ADAM17: variants seen among roughly 807,000 people sequenced by gnomAD.
The protein encoded by ADAM17 is ADAM metallopeptidase domain 17.
Under a neutral mutation model 96.7 loss-of-function variants are expected in ADAM17, and 39 were observed. The ratio of observed to expected loss-of-function variants is 0.40; its 90% CI spans 0.31 to 0.53. ADAM17 has a LOEUF of 0.53. ADAM17 is among the 20% of genes least tolerant of loss of function. The pLI is 0.44. For missense variants in ADAM17, 777 were observed against 1,013.2 expected, an observed-to-expected ratio of 0.77 and a Z score of 3.17; for synonymous variants, 344 against 359.2, an observed-to-expected ratio of 0.96 and a Z score of 0.48.
At chr2:9,531,077 C>A (rs1311230811) in intron 4 of ADAM17, among the ~76,000 whole-genome samples, 1 of 152,146 alleles carries the variant, frequency 6.6e-6, no homozygotes, top group African/African-American at 2.4e-5. Flanking sequence ...CCCACCTAGG[C>A]CTCCCGAGCA....
rs146901674 is a variant in ADAM17, at chr2:9,526,726, G to A, written c.620-482C>T. 1.8e-4 allele frequency among the ~76,000 whole-genome samples: 28 copies of A among 152,196 alleles called. No homozygotes were observed. In the East Asian group the frequency reaches 5.4e-3, roughly 30 times the overall value. ...CAGGAGAATCACTTCAACCCAGGGT[G>A]CGGAGGTTGCAGTGAGCCAAGATTG... On this transcript the variant is annotated intron_variant, in intron 5 of 18. Coordinates refer to ENST00000310823, the MANE Select transcript of ADAM17 (RefSeq NM_003183.6).
At chr2:9,548,808 T>C (rs531889909) in intron 1 of ADAM17, among the ~76,000 whole-genome samples, 1 of 152,308 alleles carries the variant, frequency 6.6e-6, no homozygotes, top group African/African-American at 2.4e-5. Flanking sequence ...CAATACTTTG[T>C]TCCTTCTAAA....
At chr2:9,530,297 G>C (rs115474346) in intron 4 of ADAM17, among the ~76,000 whole-genome samples, 327 of 152,190 alleles carry the variant, frequency 2.1e-3, no homozygotes, top group African/African-American at 7.4e-3. Flanking sequence ...AGTATAGTCA[G>C]TCCAGCACAG....
At chr2:9,504,305 C>T (rs1293053294) in intron 12 of ADAM17, among the ~76,000 whole-genome samples, 2 of 151,558 alleles carry the variant, frequency 1.3e-5, no homozygotes, top group African/African-American at 2.4e-5. Flanking sequence ...ATCAGCCAGG[C>T]GTGATGGTGC....
At chr2:9,494,177 C>A (rs1039111369) in intron 15 of ADAM17, among the ~76,000 whole-genome samples, 3 of 152,152 alleles carry the variant, frequency 2.0e-5, no homozygotes, top group African/African-American at 7.2e-5. Context: ...AATCTTAAAA[C>A]CCTCTCCCAT....
At chr2:9,499,367 A>T (rs1363005275) in intron 13 of ADAM17, among the ~76,000 whole-genome samples, 1 of 152,104 alleles carries the variant, frequency 6.6e-6, no homozygotes, top group African/African-American at 2.4e-5. Context: ...TGCTTCTTTA[A>T]AGCTTGATTT....
At chr2:9,501,683 CATG>C (rs898140339) in intron 13 of ADAM17, among the ~76,000 whole-genome samples, 9 of 152,166 alleles carry the variant, frequency 5.9e-5, no homozygotes, top group African/African-American at 2.2e-4. Flanking sequence ...TGCATAGATT[CATG>C]ATAACATTCA....
rs1228003788 is a variant in ADAM17, at chr2:9,490,263, C to A, written c.2389G>T (p.Asp797Tyr). Residue 797 changes from aspartate to tyrosine, a missense_variant, in exon 19 of 19, where the codon GAC (aspartate) becomes TAC (tyrosine). Transcript: ENST00000310823. ...TAAKSFEDLT[D>Y]HPVTRSEKAA... ...TTTTCACTTCTGGTGACCGGATGGTCCGTGAGATCCTCAAATGACTTGGCA... is the reference window on the plus strand; with the variant it reads ...TTTTCACTTCTGGTGACCGGATGGTACGTGAGATCCTCAAATGACTTGGCA... 5.6e-6 allele frequency: 9 copies of A among 1,613,910 alleles called. No homozygotes were observed. Among genetic ancestry groups the A allele is most frequent in the Non-Finnish European group, 7.6e-6 (9 of 1,179,912 alleles).
At chr2:9,512,514 C>G (rs778997531) in intron 10 of ADAM17, 1 of 152,214 alleles carries the variant, frequency 6.6e-6, no homozygotes, top group Non-Finnish European at 1.5e-5. Flanking sequence ...AGGAGCAATC[C>G]TCAGGAAACA....
At chr2:9,514,519 AT>A (rs1311525598) in intron 10 of ADAM17, among the ~76,000 whole-genome samples, 3 of 748 alleles carry the variant, frequency 4.0e-3, no homozygotes, top group African/African-American at 0.013. Context: ...TAAAATATAA[AT>A]ATATATATAT....
intron 8 of ADAM17, among the ~76,000 whole-genome samples, chr2:9,519,405 C>T (rs1049105514): frequency 1.3e-5 from 2 of 152,166 alleles, no homozygotes; most frequent in African/African-American, 4.8e-5. Flanking sequence ...CTGCCATGGG[C>T]TGTCTGGAGG....
chr2:9,491,009 A>G (rs1662093609), intron 18 of ADAM17, 92 bp downstream of exon 18: 1 of 1,137,584 alleles, frequency 8.8e-7, no homozygotes, highest in African/African-American at 1.5e-5. Context: ...TCCATCAGCC[A>G]GTGAAAGCTC....
chr2:9,493,868 A>G, intron 15 of ADAM17, 43 bp from the exon 16 acceptor site: 1 of 1,504,038 alleles, frequency 6.6e-7, no homozygotes, highest in South Asian at 1.1e-5. Context: ...CCCAAACACA[A>G]TGTATTCAGA....
intron 6 of ADAM17, 70 bp from the exon 7 acceptor site, chr2:9,523,408 T>C (rs552658387): frequency 2.3e-6 from 3 of 1,327,804 alleles, no homozygotes; most frequent in Middle Eastern, 1.9e-4. Context: ...CAATATAAAA[T>C]CTATGGGGAA....
chr2:9,542,432 CTAAA>C (rs1246169647), intron 2 of ADAM17, among the ~76,000 whole-genome samples: 3 of 152,180 alleles, frequency 2.0e-5, no homozygotes, highest in South Asian at 2.1e-4. Context: ...AACTAGTTAG[CTAAA>C]TAAATAAATA....
At chr2:9,529,330 A>T (rs1216989374) in intron 4 of ADAM17, among the ~76,000 whole-genome samples, 1 of 152,162 alleles carries the variant, frequency 6.6e-6, no homozygotes, top group African/African-American at 2.4e-5. Flanking sequence ...AGGAGCCTGT[A>T]ATCCCAGCTA....
chr2:9,537,501 A>G (rs1243423714), intron 2 of ADAM17, among the ~76,000 whole-genome samples: 2 of 152,156 alleles, frequency 1.3e-5, no homozygotes, highest in East Asian at 1.9e-4. Flanking sequence ...TGGGAGGTTG[A>G]GCTGGGCGGA....
chr2:9,512,199 A>T (rs186812262), intron 10 of ADAM17: 41 of 152,252 alleles, frequency 2.7e-4, no homozygotes, highest in African/African-American at 9.1e-4. Context: ...AGGTGTAATG[A>T]AGAGAAATAT....
intron 10 of ADAM17, among the ~76,000 whole-genome samples, chr2:9,514,565 AT>A (rs1473561222): frequency 2.4e-4 from 25 of 105,432 alleles, no homozygotes; most frequent in East Asian, 5.9e-4. Context: ...ATATATATAT[AT>A]ATAAATAAAA....
Sources: gnomAD v4.1 joint callset for allele counts (sites outside exome capture counted in the v4.1 genomes callset) on GRCh38, gnomAD v4.1.1 for gene constraint, MANE v1.5 for transcripts, NCBI Gene and HGNC (gene_info 2026-07-23, HGNC 2026-07-21) for gene names.